Variants in CIAO2B observed in about 807,000 individuals in gnomAD.
CIAO2B encodes the protein cytosolic iron-sulfur assembly component 2B.
Under a neutral mutation model 16.4 loss-of-function variants are expected in CIAO2B, and 20 were observed. The observed-to-expected ratio is 1.22, with a 90% CI of 0.86 to 1.77. CIAO2B has a LOEUF of 1.77. Among genes scored for constraint, CIAO2B ranks in the 40% most tolerant of loss-of-function variants. The probability of loss-of-function intolerance (pLI) is 0.00; values close to 1 mark genes in which losing one functional copy is unlikely to be tolerated. For synonymous variants in CIAO2B, 106 were observed against 90.4 expected (o/e 1.17, Z -0.98); for missense variants, 215 against 222.4 (o/e 0.97, Z 0.21).
Position 66,932,170 on chromosome 16 carries a change from C to G in CIAO2B, c.*33G>C. On this transcript the variant is annotated 3_prime_UTR_variant, in exon 5 of 5. Coordinates refer to ENST00000422424, the MANE Select transcript of CIAO2B (RefSeq NM_016062.4). ...CCTGGCAGGAGCTGGGACCAGGATACCAGTATGCAGGCTGAGGGGTCAAAG... is the reference window on the plus strand; with the variant it reads ...CCTGGCAGGAGCTGGGACCAGGATAGCAGTATGCAGGCTGAGGGGTCAAAG... 1 of 1,541,564 alleles carries G rather than the reference C, an allele frequency of 6.5e-7. No individual in the cohort carries two copies. The highest frequency in any genetic ancestry group is 8.9e-7 in the Non-Finnish European group (1 of 1,119,574).
chr16:66,932,957 G>A, intron 3 of CIAO2B, 132 bp from the exon 4 acceptor site: 9 of 931,218 alleles, frequency 9.7e-6, no homozygotes, highest in Middle Eastern at 2.2e-4. Context: ...TGGCCCTTCC[G>A]TTACACCCCA....
Position 66,934,378 on chromosome 16 carries a change from C to T in CIAO2B, c.-14G>A, listed in dbSNP as rs1343759298. ...GCCGCCTACCATCGCGGAACCACCACCGCTGATCCTAGCAGGCGTGCGCTT... is the reference window on the plus strand; with the variant it reads ...GCCGCCTACCATCGCGGAACCACCATCGCTGATCCTAGCAGGCGTGCGCTT... On this transcript the variant is annotated 5_prime_UTR_variant, in exon 1 of 5. It adds an upstream start codon to the 5' untranslated region. Transcript: ENST00000422424. The surrounding 1 kb of genome is among the most constrained non-coding windows in gnomAD (Gnocchi z 4.1). The T allele has an allele frequency of 6.5e-7, 1 of 1,530,710 alleles. No homozygotes were observed. The highest frequency in any genetic ancestry group is 8.7e-7 in the Non-Finnish European group (1 of 1,145,048). The allele number at this position is 1,530,710 out of a possible 1,614,324, so 94.8% of individuals were successfully genotyped here.
At chr16:66,932,933 A>C in intron 3 of CIAO2B, 108 bp from the exon 4 acceptor site, 1 of 1,232,998 alleles carries the variant, frequency 8.1e-7, no homozygotes, top group Non-Finnish European at 1.2e-6. Flanking sequence ...CCTCCTAATC[A>C]TGCCTTTGGA....
chr16:66,933,914 G>A (rs1963123456), intron 2 of CIAO2B, 73 bp downstream of exon 2: 2 of 1,587,402 alleles, frequency 1.3e-6, no homozygotes, highest in Non-Finnish European at 1.7e-6. Context: ...TGAGCATAGA[G>A]CACGCCAGCT....
Position 66,934,328 on chromosome 16 carries a change from C to A in CIAO2B, c.37G>T (p.Glu13Ter). Residue 13 changes from glutamate (E) to a stop codon, truncating the protein, a stop_gained, in exon 1 of 5, where the codon GAG (glutamate) becomes TAG (stop). Coordinates refer to ENST00000422424, the MANE Select transcript of CIAO2B (RefSeq NM_016062.4). LOFTEE classifies it high-confidence loss of function. The surrounding 1 kb of genome is among the most constrained non-coding windows in gnomAD (Gnocchi z 4.1). ...GGGGVGGGLL[E>*]NANPLIYQRS... ...TGGTAGATGAGGGGGTTGGCATTCT[C>A]CAGGAGGCCGCCGCCGACCCCGCCG... is the stretch of plus-strand genomic sequence containing the variant. 1 of 1,593,634 alleles carries A rather than the reference C, an allele frequency of 6.3e-7. No individual in the cohort carries two copies. The highest frequency in any genetic ancestry group is 8.5e-7 in the Non-Finnish European group (1 of 1,175,102).
chr16:66,933,752 G>A lies in CIAO2B; in HGVS notation c.223-13C>T, dbSNP rs1963116394. On this transcript the variant is annotated splice_polypyrimidine_tract_variant and intron_variant, in intron 2 of 4. Transcript: ENST00000422424. ...CGGGGTCGCTAACCTGGTTGTGGAG[G>A]AGAGATGTCAAGAGTCAACCACCCT... 12 of 1,553,730 alleles carry A rather than the reference G, an allele frequency of 7.7e-6. 1 individual carries two copies. The Admixed American group carries it at 1.2e-4, about 15-fold the overall frequency.
intron 4 of CIAO2B, 192 bp from the exon 5 acceptor site, chr16:66,932,492 T>C: frequency 4.2e-6 from 3 of 720,254 alleles, no homozygotes; most frequent in Non-Finnish European, 2.5e-6. Context: ...TAATCTGCCT[T>C]CTTAGGATCC....
chr16:66,934,193 A>C lies in CIAO2B; in HGVS notation c.142+30T>G, dbSNP rs1394280066. On this transcript the variant is annotated intron_variant, in intron 1 of 4. Transcript: ENST00000422424. The surrounding 1 kb of genome is among the most constrained non-coding windows in gnomAD (Gnocchi z 4.1). ...TGCTCCCCCCACCGCAAGCCCCCGG[A>C]ACCCGCCCGCGCCCAGCAGCGGCGG... 1 of 1,608,498 alleles carries C rather than the reference A, an allele frequency of 6.2e-7. No individual in the cohort carries two copies. The highest frequency in any genetic ancestry group is 2.2e-5 in the East Asian group (1 of 44,818).
Position 66,932,280 on chromosome 16 carries a change from T to C in CIAO2B, c.415A>G (p.Lys139Glu), listed in dbSNP as rs1339509645. ...EHAVNKQLAD[K>E]ERVAAALENT... Reference sequence around the variant, plus strand: ...TCCAGGGCAGCTGCCACCCGCTCCTTATCTGCAAGTTGCTTGTTCACTAGG... The same window carrying C: ...TCCAGGGCAGCTGCCACCCGCTCCTCATCTGCAAGTTGCTTGTTCACTAGG... The change falls in exon 5 of 5, where the codon AAG (lysine) becomes GAG (glutamate). Residue 139 changes from lysine to glutamate, a missense_variant. Lys to Glu is a moderately conservative substitution (Grantham distance 56). Transcript: ENST00000422424. 6.2e-7 allele frequency: 1 copy of C among 1,613,798 alleles called. No homozygotes were observed. Among genetic ancestry groups the C allele is most frequent in the East Asian group, 2.2e-5 (1 of 44,872 alleles).
chr16:66,933,696 G>C lies in CIAO2B; in HGVS notation c.266C>G (p.Thr89Ser), dbSNP rs1321623806. The stretch of plus-strand genomic sequence containing the variant: ...GGTGGCCATGCTGCAGTGCGGAATG[G>C]TTGGTGTGAAAGCCACAGCCACTGT... ...ESTVAVAFTP[T>S]IPHCSMATLI... Residue 89 changes from threonine to serine, a missense_variant, in exon 3 of 5, where the codon ACC (threonine) becomes AGC (serine). Coordinates refer to ENST00000422424, the MANE Select transcript of CIAO2B (RefSeq NM_016062.4). 4 of 1,587,450 alleles carry C rather than the reference G, an allele frequency of 2.5e-6. No homozygotes were observed. The highest frequency in any genetic ancestry group is 2.6e-6 in the Non-Finnish European group (3 of 1,166,924).
intron 2 of CIAO2B, 89 bp from the exon 3 acceptor site, chr16:66,933,828 T>C: frequency 6.5e-7 from 1 of 1,537,928 alleles, no homozygotes; most frequent in East Asian, 2.5e-5. Flanking sequence ...ATCATCCAAC[T>C]TCTATGGGCC....
At chr16:66,932,385 A>G (rs977055902) in intron 4 of CIAO2B, 85 bp from the exon 5 acceptor site, 2 of 1,024,232 alleles carry the variant, frequency 2.0e-6, no homozygotes, top group African/African-American at 3.2e-5. Context: ...CTGAACCTCT[A>G]TATAGGATAT....
At chr16:66,933,558 C>G in intron 3 of CIAO2B, 56 bp downstream of exon 3, 7 of 1,587,258 alleles carry the variant, frequency 4.4e-6, no homozygotes, top group Non-Finnish European at 6.0e-6. Flanking sequence ...AGTCCCCATC[C>G]TCAGCAGTAG....
At chr16:66,933,287 C>G (rs914212932) in intron 3 of CIAO2B, among the ~76,000 whole-genome samples, 2 of 152,212 alleles carry the variant, frequency 1.3e-5, no homozygotes, top group African/African-American at 2.4e-5. Flanking sequence ...CCGCGCCCGG[C>G]CCTAGCTATT....
chr16:66,932,146 C>A lies in CIAO2B; in HGVS notation c.*57G>T. The A allele has an allele frequency of 7.4e-7, 1 of 1,346,466 alleles. No individual in the cohort carries two copies. The highest frequency in any genetic ancestry group is 2.1e-5 in the Admixed American group (1 of 46,918). The allele number at this position is 1,346,466 out of a possible 1,614,324, so 83.4% of individuals were successfully genotyped here. On this transcript the variant is annotated 3_prime_UTR_variant, in exon 5 of 5. Transcript: ENST00000422424. ...ATTCAAGAAAACAACGGTAACAGCC[C>A]TGGCAGGAGCTGGGACCAGGATACC...
At chr16:66,932,354 G>T in intron 4 of CIAO2B, 54 bp from the exon 5 acceptor site, 2 of 1,467,478 alleles carry the variant, frequency 1.4e-6, no homozygotes, top group Non-Finnish European at 1.9e-6. Flanking sequence ...GCTCTGGCCA[G>T]AGTGCTAGCC....
In CIAO2B at chr16:66,934,231, T is replaced by A; in HGVS notation, c.134A>T (p.Glu45Val). ...CCAGCAGCGGCGGATATCGAAGATC[T>A]CGCGTGCGTCGATGCTGTCGGGAAC... ...EQVPDSIDAR[E>V]IFDLIRSIND... The change falls in exon 1 of 5, where the codon GAG becomes GTG. Residue 45 changes from glutamate to valine, a missense_variant. Coordinates refer to ENST00000422424, the MANE Select transcript of CIAO2B (RefSeq NM_016062.4). This position sits in a 1 kb window ranked among gnomAD's most constrained non-coding sequence, Gnocchi z 4.1. 1 of 1,609,118 alleles carries A rather than the reference T, an allele frequency of 6.2e-7. No homozygotes were observed. Among genetic ancestry groups the A allele is most frequent in the Non-Finnish European group, 8.5e-7 (1 of 1,178,704 alleles).
rs79044911 is a variant in CIAO2B, at chr16:66,932,084, T to C, written c.*119A>G. The C allele has an allele frequency of 7.0e-3, 4,943 of 705,516 alleles. 27 individuals carry two copies. The highest frequency in any genetic ancestry group is 8.1e-3 in the Non-Finnish European group (3,547 of 436,764). The allele number at this position is 705,516 out of a possible 1,614,324, so 43.7% of individuals were successfully genotyped here. A position where few individuals can be genotyped will look rare whatever the true frequency, so the allele number is the denominator to read the frequency against. On this transcript the variant is annotated 3_prime_UTR_variant, in exon 5 of 5. Transcript: ENST00000422424. ...GGGAACTGAATATAAATTAACTTTATTACAAAAAGCAAAATGTTAGTTTCT... is the reference window on the plus strand; with the variant it reads ...GGGAACTGAATATAAATTAACTTTACTACAAAAAGCAAAATGTTAGTTTCT...
rs1312401520 is a variant in CIAO2B at position 66,934,299 on chromosome 16, G to A, written c.66C>T (p.Arg22=). 6 of 1,607,456 alleles carry A rather than the reference G, an allele frequency of 3.7e-6. No homozygotes were observed. The highest frequency in any genetic ancestry group is 1.7e-4 in the Middle Eastern group (1 of 6,054). ...LENANPLIYQ[R]SGERPVTAGE... ...CTGCCGTCACAGGCCGCTCCCCAGA[G>A]CGCTGGTAGATGAGGGGGTTGGCAT... Residue 22 remains arginine (R), a synonymous_variant, in exon 1 of 5, where the codon CGC becomes CGT. Transcript: ENST00000422424. The surrounding 1 kb of genome is among the most constrained non-coding windows in gnomAD (Gnocchi z 4.1).
Sources: gnomAD v4.1 joint callset for allele counts (sites outside exome capture counted in the v4.1 genomes callset) on GRCh38, gnomAD v4.1.1 for gene constraint, Gnocchi (gnomAD v3.1) non-coding constraint, MANE v1.5 for transcripts, NCBI Gene and HGNC (gene_info 2026-07-23, HGNC 2026-07-21) for gene names.